Variants in ERBB4 observed in about 807,000 individuals in gnomAD.
ERBB4 encodes the protein receptor tyrosine-protein kinase erbB-4.
Under a neutral mutation model 158.0 loss-of-function variants are expected in ERBB4, and 42 were observed. The observed-to-expected ratio is 0.27, with a 90% CI of 0.21 to 0.34. ERBB4 has a LOEUF of 0.34. ERBB4 is among the 10% of genes least tolerant of loss of function. The pLI, the probability that ERBB4 is intolerant of heterozygous loss-of-function variation, is 1.00. For synonymous variants in ERBB4, 583 were observed against 558.7 expected, an observed-to-expected ratio of 1.04 and a Z score of -0.61; for missense variants, 1,333 against 1,624.1, an observed-to-expected ratio of 0.82 and a Z score of 3.08.
chr2:212,487,923 A>G (rs16848684), intron 1 of ERBB4, among the ~76,000 whole-genome samples: 4,907 of 152,106 alleles, frequency 0.032, 268 homozygotes, highest in African/African-American at 0.11. Context: ...AATTTTTCAT[A>G]CTTTGTGTCT....
intron 1 of ERBB4, among the ~76,000 whole-genome samples, chr2:212,142,318 C>G (rs2080507584): frequency 6.6e-6 from 1 of 151,846 alleles, no homozygotes; most frequent in Non-Finnish European, 1.5e-5. Context: ...GTACTTGACC[C>G]ATAGTAGGTA....
chr2:212,302,257 G>C (rs1574636302), intron 1 of ERBB4, among the ~76,000 whole-genome samples: 1 of 151,440 alleles, frequency 6.6e-6, no homozygotes, highest in African/African-American at 2.4e-5. Context: ...ATTGAGAAAA[G>C]TCATCAGTTC....
chr2:211,847,211 C>T (rs1026055225), intron 3 of ERBB4, among the ~76,000 whole-genome samples: 1 of 151,962 alleles, frequency 6.6e-6, no homozygotes, highest in African/African-American at 2.4e-5. Context: ...TGAGTTTGTG[C>T]AAATAAAAAA....
intron 1 of ERBB4, among the ~76,000 whole-genome samples, chr2:212,454,066 C>T (rs1813049): frequency 0.23 from 35,536 of 151,750 alleles, 5,326 homozygotes; most frequent in African/African-American, 0.43. Flanking sequence ...TCAGCCTCCC[C>T]AGTAGCTGGG....
chr2:211,623,022 T>C (rs867263993), intron 18 of ERBB4, among the ~76,000 whole-genome samples: 1 of 73,404 alleles, frequency 1.4e-5, no homozygotes, highest in Non-Finnish European at 2.3e-5. Flanking sequence ...TATATATATA[T>C]ATATATATAT....
chr2:211,933,528 T>C (rs2080233190), intron 3 of ERBB4, among the ~76,000 whole-genome samples: 1 of 152,060 alleles, frequency 6.6e-6, no homozygotes, highest in Non-Finnish European at 1.5e-5. Flanking sequence ...ATGGCATCTA[T>C]ATTGTTTATT....
chr2:211,554,316 T>C (rs1027050001), intron 20 of ERBB4, among the ~76,000 whole-genome samples: 14 of 152,344 alleles, frequency 9.2e-5, no homozygotes, highest in Admixed American at 7.8e-4. Flanking sequence ...ATGAGCCATA[T>C]CTGCTAGAGT....
At chr2:212,433,542 A>G (rs2092075103) in intron 1 of ERBB4, among the ~76,000 whole-genome samples, 2 of 151,998 alleles carry the variant, frequency 1.3e-5, no homozygotes. Context: ...AAAGTTGCAA[A>G]TGGTGTTCCT....
At chr2:211,639,371 T>G (rs2070484141) in intron 16 of ERBB4, among the ~76,000 whole-genome samples, 1 of 152,184 alleles carries the variant, frequency 6.6e-6, no homozygotes, top group South Asian at 2.1e-4. Context: ...ATTCAGTTCT[T>G]ACAACTTCAG....
At chr2:211,457,821 A>G (rs1262022634) in intron 20 of ERBB4, among the ~76,000 whole-genome samples, 1 of 152,190 alleles carries the variant, frequency 6.6e-6, no homozygotes, top group African/African-American at 2.4e-5. Flanking sequence ...TTCTATTGAG[A>G]CTATTTCAAC....
At chr2:212,397,511 G>T (rs965726116) in intron 1 of ERBB4, among the ~76,000 whole-genome samples, 2 of 141,578 alleles carry the variant, frequency 1.4e-5, no homozygotes, top group African/African-American at 5.1e-5. Flanking sequence ...AAGGAAGGAA[G>T]GGGGGAAGGG....
chr2:212,448,143 C>T (rs970238957), intron 1 of ERBB4, among the ~76,000 whole-genome samples: 2 of 152,102 alleles, frequency 1.3e-5, no homozygotes, highest in African/African-American at 4.8e-5. Flanking sequence ...ATAATATTAT[C>T]ATGACATGTC....
intron 2 of ERBB4, among the ~76,000 whole-genome samples, chr2:211,997,029 G>A (rs2082216012): frequency 6.6e-6 from 1 of 152,152 alleles, no homozygotes. Context: ...CGAAGTGAAG[G>A]ATAACAGCAG....
At chr2:211,657,644 A>C (rs2071268108) in intron 16 of ERBB4, 110 bp downstream of exon 16, 1 of 840,892 alleles carries the variant, frequency 1.2e-6, no homozygotes, top group Non-Finnish European at 2.0e-6. Flanking sequence ...CCAATTTGAT[A>C]TATTATGAGT....
chr2:211,588,189 A>T (rs940320834), intron 19 of ERBB4, among the ~76,000 whole-genome samples: 1 of 152,214 alleles, frequency 6.6e-6, no homozygotes, highest in Non-Finnish European at 1.5e-5. Context: ...TTTTATTTTT[A>T]AAAATTGGAA....
chr2:212,282,968 T>A (rs1234408684), intron 1 of ERBB4, among the ~76,000 whole-genome samples: 1 of 151,840 alleles, frequency 6.6e-6, no homozygotes, highest in Non-Finnish European at 1.5e-5. Flanking sequence ...CCACCTATAT[T>A]TTTGGGTCAG....
At chr2:212,095,133 T>C (rs1200665474) in intron 2 of ERBB4, among the ~76,000 whole-genome samples, 1 of 152,152 alleles carries the variant, frequency 6.6e-6, no homozygotes, top group East Asian at 1.9e-4. Flanking sequence ...TAAGAATTAG[T>C]CTGAGAAAAA....
chr2:211,946,943 A>G (rs945845234), intron 3 of ERBB4, among the ~76,000 whole-genome samples: 6 of 152,122 alleles, frequency 3.9e-5, no homozygotes, highest in African/African-American at 1.4e-4. Context: ...AGAATTGCTG[A>G]TGGGATTTAG....
intron 21 of ERBB4, 88 bp from the exon 22 acceptor site, chr2:211,428,571 C>A: frequency 2.8e-6 from 2 of 715,474 alleles, no homozygotes; most frequent in East Asian, 5.5e-5. Context: ...TTTGGGCTGG[C>A]CTTAATCATA....
Sources: allele counts gnomAD v4.1 joint callset (sites outside exome capture counted in the v4.1 genomes callset), GRCh38; gene constraint gnomAD v4.1.1; transcripts MANE v1.5; gene names NCBI Gene and HGNC (gene_info 2026-07-23, HGNC 2026-07-21).